Variants in SLC4A1 observed in about 807,000 individuals in gnomAD.
The protein encoded by SLC4A1 is band 3 anion transport protein.
In SLC4A1, 29 loss-of-function variants were observed where a neutral mutation model predicts 93.1. That is an observed-to-expected ratio of 0.31 (90% confidence interval 0.23 to 0.42). The LOEUF (loss-of-function observed/expected upper bound fraction) is 0.42. Ranked by LOEUF, SLC4A1 falls within the 20% of genes least tolerant of loss-of-function variation. The pLI, the probability that SLC4A1 is intolerant of heterozygous loss-of-function variation, is 1.00. For synonymous variants in SLC4A1, 469 were observed against 497.2 expected (o/e 0.94, Z 0.76); for missense variants, 965 against 1,190.1 (o/e 0.81, Z 2.78).
rs1480134522 is a variant in SLC4A1, at chr17:44,259,287, G to A, written c.752C>T (p.Ala251Val). 1.9e-6 allele frequency: 3 copies of A among 1,613,768 alleles called. No individual in the cohort carries two copies. The highest frequency in any genetic ancestry group is 1.3e-5 in the African/African-American group (1 of 74,916). Residue 251 changes from alanine to valine, a missense_variant, in exon 9 of 20, where the codon GCG (alanine) becomes GTG (valine). This residue lies in a region of SLC4A1 where 770 missense variants were observed against 1,006.6 expected (regional missense o/e 0.76). Coordinates refer to ENST00000262418, the MANE Select transcript of SLC4A1 (RefSeq NM_000342.4). The stretch of plus-strand genomic sequence containing the variant: ...CGGCAGCTCCACCGCCTCCAGCTCC[G>A]CTGCCTCCTGCAGCCTCACGAAGCC... ...VLGFVRLQEA[A>V]ELEAVELPVP... is the part of the protein sequence containing the mutation.
rs1598296710 is a variant in SLC4A1 at position 44,253,285 on chromosome 17, A to C, written c.2144T>G (p.Val715Gly). 2.5e-6 allele frequency: 4 copies of C among 1,613,702 alleles called. No individual in the cohort carries two copies. The highest frequency in any genetic ancestry group is 3.4e-6 in the Non-Finnish European group (4 of 1,179,928). Residue 715 changes from valine (V) to glycine (G), a missense_variant, in exon 17 of 20, where the codon GTG (valine) becomes GGG (glycine). Val to Gly is a moderately radical substitution (Grantham distance 109, BLOSUM62 -3). This residue lies in a region of SLC4A1 where 770 missense variants were observed against 1,006.6 expected (regional missense o/e 0.76). Transcript: ENST00000262418. ...CCAGGGCATCCCAAAGAGGGCGGCC[A>C]CCCCACCCATGCCTACTACCAGCAG... ...DLLLVVGMGG[V>G]AALFGMPWLS...
intron 9 of SLC4A1, 32 bp downstream of exon 9, chr17:44,259,131 C>T: frequency 6.2e-7 from 1 of 1,611,500 alleles, no homozygotes; most frequent in Non-Finnish European, 8.5e-7. Context: ...TCCCAAGCTT[C>T]CCCAGCCCAG....
chr17:44,255,974 T>C (rs1322373446), intron 13 of SLC4A1, 128 bp from the exon 14 acceptor site: 2 of 863,718 alleles, frequency 2.3e-6, no homozygotes, highest in East Asian at 4.8e-5. Context: ...CATCCATCCA[T>C]TTATCCACCC....
rs370176951 is a variant in SLC4A1, at chr17:44,258,229, G to A, written c.1088-49C>T. 8.1e-5 allele frequency: 127 copies of A among 1,571,700 alleles called. No individual in the cohort carries two copies. The highest frequency in any genetic ancestry group is 1.1e-4 in the Non-Finnish European group (123 of 1,142,596). ...GTCAGAGGGAGTAGCTGGAGGAGGTGAGGGGAAAGGGGACTGGAGGGTGTA... is the reference window on the plus strand; with the variant it reads ...GTCAGAGGGAGTAGCTGGAGGAGGTAAGGGGAAAGGGGACTGGAGGGTGTA... On this transcript the variant is annotated intron_variant, in intron 10 of 19. Transcript: ENST00000262418. The surrounding 1 kb of genome is among the most constrained non-coding windows in gnomAD (Gnocchi z 6.1).
rs1228999372 is a variant in SLC4A1, at chr17:44,262,590, T to G, written c.106+46A>C. 4 of 1,452,720 alleles carry G rather than the reference T, an allele frequency of 2.8e-6. No individual in the cohort carries two copies. In the African/African-American group the frequency reaches 4.2e-5, roughly 15 times the overall value. The allele number at this position is 1,452,720 out of a possible 1,614,324, so 90.0% of individuals were successfully genotyped here. A position where few individuals can be genotyped will look rare whatever the true frequency, so the allele number is the denominator to read the frequency against. On this transcript the variant is annotated intron_variant, in intron 3 of 19. Coordinates refer to ENST00000262418, the MANE Select transcript of SLC4A1 (RefSeq NM_000342.4). ...GACAAGTGCCCCTCCTGTCCCTGTC[T>G]AGGGCTCAGCAGCTCATCCCAGCTG...
intron 3 of SLC4A1, among the ~76,000 whole-genome samples, chr17:44,262,402 G>A (rs1046928750): frequency 2.6e-5 from 4 of 152,224 alleles, no homozygotes; most frequent in East Asian, 1.9e-4. Context: ...CTGGCTGCCC[G>A]CCCTTCTCAC....
intron 9 of SLC4A1, 48 bp downstream of exon 9, chr17:44,259,115 T>A (rs549888599): frequency 1.3e-6 from 2 of 1,596,394 alleles, no homozygotes; most frequent in Non-Finnish European, 8.6e-7. Context: ...TCAGCCACCA[T>A]GCAGGTCCCA....
intron 13 of SLC4A1, among the ~76,000 whole-genome samples, chr17:44,256,522 G>A (rs1472369705): frequency 6.6e-6 from 1 of 152,240 alleles, no homozygotes; most frequent in Non-Finnish European, 1.5e-5. Context: ...ACAAAGGCAA[G>A]CAGAGCTTAA....
In SLC4A1 at chr17:44,259,568, G is replaced by T; in HGVS notation, c.623C>A (p.Thr208Lys). ...AATTCCAGATGGTGAGTGCCCTTCT[G>T]TGCCCCCATCTCCCTGTGGGAAGGA... is the stretch of plus-strand genomic sequence containing the variant. ...QLFCEQGDGG[T>K]EGHSPSGILE... is the part of the protein sequence containing the mutation. The change falls in exon 8 of 20, where the codon ACA (threonine) becomes AAA (lysine). Residue 208 changes from threonine to lysine, a missense_variant. Physicochemically the swap from Thr to Lys is moderately conservative, Grantham distance 78. This residue lies in a region of SLC4A1 where 770 missense variants were observed against 1,006.6 expected (regional missense o/e 0.76). Coordinates refer to ENST00000262418, the MANE Select transcript of SLC4A1 (RefSeq NM_000342.4). The T allele has an allele frequency of 4.3e-6, 7 of 1,613,904 alleles. No individual in the cohort carries two copies. The highest frequency in any genetic ancestry group is 5.9e-6 in the Non-Finnish European group (7 of 1,179,822).
In SLC4A1 at chr17:44,257,539, G is replaced by A. The variant is rs372033718; in HGVS notation, c.1437C>T (p.Cys479=). ...CGATGTACTCTAGACCGTTGGTCTC[G>A]CAGAACTGCAGGGTGGTCAGAAGAA... ...LVFEEAFFSF[C]ETNGLEYIVG... is the part of the protein sequence containing the mutation. Residue 479 remains cysteine, a synonymous_variant, in exon 13 of 20, where the codon TGC becomes TGT. Coordinates refer to ENST00000262418, the MANE Select transcript of SLC4A1 (RefSeq NM_000342.4). 1.4e-5 allele frequency: 23 copies of A among 1,613,974 alleles called. No individual in the cohort carries two copies. Among genetic ancestry groups the A allele is most frequent in the African/African-American group, 8.0e-5 (6 of 75,034 alleles).
Position 44,260,708 on chromosome 17 carries a change from C to T in SLC4A1, c.276G>A (p.Gly92=). ...GAGAGAGGTGCGGGCGGCCCCAGGC[C>T]CCATTCTCCCCCAGGTTCTCCTCCA... The part of the protein sequence containing the change: ...VQLEENLGEN[G]AWGRPHLSHL... The change falls in exon 5 of 20, where the codon GGG becomes GGA. Residue 92 remains glycine (G), a synonymous_variant. Coordinates refer to ENST00000262418, the MANE Select transcript of SLC4A1 (RefSeq NM_000342.4). 6.2e-7 allele frequency: 1 copy of T among 1,614,182 alleles called. No individual in the cohort carries two copies. The highest frequency in any genetic ancestry group is 8.5e-7 in the Non-Finnish European group (1 of 1,180,026).
chr17:44,265,917 T>A (rs1206637399), intron 1 of SLC4A1, among the ~76,000 whole-genome samples: 1 of 151,136 alleles, frequency 6.6e-6, no homozygotes, highest in East Asian at 2.0e-4. Context: ...GGGGCAGAGG[T>A]TGCAGTGAAC....
chr17:44,263,929 AG>A (rs1326361537), intron 1 of SLC4A1, among the ~76,000 whole-genome samples: 1 of 151,796 alleles, frequency 6.6e-6, no homozygotes, highest in Non-Finnish European at 1.5e-5. Flanking sequence ...CACAGTGCCC[AG>A]GTAATTAAAA....
At chr17:44,261,759 T>A in intron 3 of SLC4A1, 123 bp from the exon 4 acceptor site, 1 of 1,544,808 alleles carries the variant, frequency 6.5e-7, no homozygotes, top group Non-Finnish European at 8.9e-7. Context: ...TGCCCTGGGC[T>A]GGGTCTCTGG....
At chr17:44,259,043 T>G in intron 9 of SLC4A1, 120 bp downstream of exon 9, 3 of 1,045,254 alleles carry the variant, frequency 2.9e-6, no homozygotes, top group Non-Finnish European at 4.4e-6. Flanking sequence ...AGCAGCTGGA[T>G]TAGGCTGAAT....
At position 44,255,445 on chromosome 17, in the gene SLC4A1, C is replaced by T. The variant is rs985167668; in HGVS notation, c.1801-149G>A. 4 of 757,778 alleles carry T rather than the reference C, an allele frequency of 5.3e-6. No individual in the cohort carries two copies. In the African/African-American group the frequency reaches 6.9e-5, roughly 13 times the overall value. The allele number at this position is 757,778 out of a possible 1,614,324, so 46.9% of individuals were successfully genotyped here. On this transcript the variant is annotated intron_variant, in intron 14 of 19. Coordinates refer to ENST00000262418, the MANE Select transcript of SLC4A1 (RefSeq NM_000342.4). ...TGTCCTGCACCTCAGCTATGTCTGC[C>T]TCCTTTCTTCTTCCCCCAGCAGTTC...
chr17:44,258,134 G>A lies in SLC4A1; in HGVS notation c.1134C>T (p.Leu378=). 1 of 1,614,120 alleles carries A rather than the reference G, an allele frequency of 6.2e-7. No homozygotes were observed. Among genetic ancestry groups the A allele is most frequent in the Non-Finnish European group, 8.5e-7 (1 of 1,180,018 alleles). The change falls in exon 11 of 20, where the codon CTC becomes CTT. Residue 378 remains leucine, a synonymous_variant. Coordinates refer to ENST00000262418, the MANE Select transcript of SLC4A1 (RefSeq NM_000342.4). The surrounding 1 kb of genome is among the most constrained non-coding windows in gnomAD (Gnocchi z 6.1). ...GGATATCACGCACCAGGCCCCCGAA[G>A]AGCTGGCCTGTCTGCTGCAGAGGGT... The part of the protein sequence containing the change: ...PDDPLQQTGQ[L]FGGLVRDIRR...
chr17:44,249,504 A>C lies in SLC4A1; in HGVS notation c.*954T>G, dbSNP rs1190219017. The C allele has an allele frequency of 8.5e-6, 2 of 234,898 alleles. No individual in the cohort carries two copies. The highest frequency in any genetic ancestry group is 4.9e-5 in the African/African-American group (2 of 41,226). 14.6% of individuals were successfully genotyped at this position (234,898 alleles called of 1,614,324 possible). Reference sequence around the variant, plus strand: ...CCCCCACTCCCTATCCAAATGTAGAATCAACTGTACCTTGCCCCCCACCCC... The same window carrying C: ...CCCCCACTCCCTATCCAAATGTAGACTCAACTGTACCTTGCCCCCCACCCC... On this transcript the variant is annotated 3_prime_UTR_variant, in exon 20 of 20. Coordinates refer to ENST00000262418, the MANE Select transcript of SLC4A1 (RefSeq NM_000342.4).
chr17:44,262,560 G>C, intron 3 of SLC4A1, 76 bp downstream of exon 3: 1 of 1,073,310 alleles, frequency 9.3e-7, no homozygotes. Context: ...TGGAGAAGGG[G>C]AGAGGACAAG....
Sources: gnomAD v4.1 joint callset for allele counts (sites outside exome capture counted in the v4.1 genomes callset) on GRCh38, gnomAD v4.1.1 for gene constraint, gnomAD v4.1.1 regional missense constraint, Gnocchi (gnomAD v3.1) non-coding constraint, MANE v1.5 for transcripts, NCBI Gene and HGNC (gene_info 2026-07-23, HGNC 2026-07-21) for gene names.